Variants in FMN2 observed in about 807,000 individuals in gnomAD.
FMN2 encodes the protein formin-2.
Under a neutral mutation model 142.3 loss-of-function variants are expected in FMN2, and 51 were observed. That is an observed-to-expected ratio of 0.36 (90% confidence interval 0.29 to 0.45). The LOEUF (loss-of-function observed/expected upper bound fraction) is 0.45. FMN2 is among the 20% of genes least tolerant of loss of function. FMN2 has a pLI of 1.00. For missense variants in FMN2, 1,936 were observed against 2,122.8 expected (o/e 0.91, Z 1.73); for synonymous variants, 882 against 869.8 (o/e 1.01, Z -0.25).
intron 4 of FMN2, among the ~76,000 whole-genome samples, chr1:240,191,287 A>G (rs1426270207): frequency 6.6e-6 from 1 of 152,248 alleles, no homozygotes; most frequent in Non-Finnish European, 1.5e-5. Context: ...ATCCCTAGAA[A>G]AAACACATGA....
At chr1:240,193,120 A>G (rs1665774230) in intron 4 of FMN2, among the ~76,000 whole-genome samples, 1 of 152,174 alleles carries the variant, frequency 6.6e-6, no homozygotes, top group South Asian at 2.1e-4. Flanking sequence ...TAGATGGTGT[A>G]AAACTAGTTT....
chr1:240,241,252 T>C (rs1439998446), intron 6 of FMN2, among the ~76,000 whole-genome samples: 1 of 151,732 alleles, frequency 6.6e-6, no homozygotes, highest in Non-Finnish European at 1.5e-5. Flanking sequence ...GTATTTTTTT[T>C]TTTTTTGTCA....
At chr1:240,136,088 T>C (rs1662927304) in intron 2 of FMN2, among the ~76,000 whole-genome samples, 1 of 152,148 alleles carries the variant, frequency 6.6e-6, no homozygotes, top group Admixed American at 6.5e-5. Context: ...TTTATACATA[T>C]GTGTTTAAGC....
intron 2 of FMN2, chr1:240,143,507 C>G: frequency 1.3e-6 from 2 of 1,576,884 alleles, no homozygotes; most frequent in Non-Finnish European, 1.7e-6. Flanking sequence ...TTGTCTTCCT[C>G]CTTCTCTTTG....
intron 15 of FMN2, among the ~76,000 whole-genome samples, chr1:240,427,329 C>T (rs1178085162): frequency 6.6e-6 from 1 of 152,034 alleles, no homozygotes; most frequent in African/African-American, 2.4e-5. Flanking sequence ...CCTCAGCCTC[C>T]TGAGTAGCTT....
In FMN2 at chr1:240,114,742, C is replaced by T. The variant is rs1661956186; in HGVS notation, c.1616-8437C>T. Among the ~76,000 whole-genome samples, 2 of 151,164 alleles carry T rather than the reference C, an allele frequency of 1.3e-5. 1 individual carries two copies. The highest frequency in any genetic ancestry group is 4.2e-4 in the South Asian group (2 of 4,784). Reference sequence around the variant, plus strand: ...GCGAGATTTCAGCTCACTGCAACCTCCGCTTCCCAAGTTCAGGTGATTCTC... The same window carrying T: ...GCGAGATTTCAGCTCACTGCAACCTTCGCTTCCCAAGTTCAGGTGATTCTC... On this transcript the variant is annotated intron_variant, in intron 1 of 17. Transcript: ENST00000319653.
At chr1:240,251,323 C>T (rs773633397) in intron 6 of FMN2, among the ~76,000 whole-genome samples, 2 of 151,888 alleles carry the variant, frequency 1.3e-5, no homozygotes, top group Non-Finnish European at 2.9e-5. Context: ...TTAATTTCTT[C>T]CTGGTCTCAG....
chr1:240,240,969 A>C (rs1667876005), intron 6 of FMN2, among the ~76,000 whole-genome samples: 1 of 152,240 alleles, frequency 6.6e-6, no homozygotes, highest in Admixed American at 6.5e-5. Context: ...CAAGGAGTTT[A>C]AACATCTGTG....
chr1:240,342,778 C>G, intron 13 of FMN2, among the ~76,000 whole-genome samples: 1 of 152,060 alleles, frequency 6.6e-6, no homozygotes, highest in African/African-American at 2.4e-5. Context: ...ATTAAATTAA[C>G]AGAAAATAAA....
intron 14 of FMN2, among the ~76,000 whole-genome samples, chr1:240,376,275 A>G (rs1673039917): frequency 6.6e-6 from 1 of 152,140 alleles, no homozygotes; most frequent in Non-Finnish European, 1.5e-5. Context: ...TTATCCTGCC[A>G]AACAATCTCT....
chr1:240,449,132 GACCCTGTCTC>G (rs1675921343), intron 16 of FMN2, among the ~76,000 whole-genome samples: 1 of 146,104 alleles, frequency 6.8e-6, no homozygotes. Flanking sequence ...AAGAAAGTGA[GACCCTGTCTC>G]AAAAAAAAAA....
intron 6 of FMN2, among the ~76,000 whole-genome samples, chr1:240,236,091 C>T (rs541461987): frequency 9.9e-4 from 151 of 152,266 alleles, no homozygotes; most frequent in African/African-American, 3.4e-3. Context: ...GTGATTCATG[C>T]TTGAGCAAAT....
chr1:240,367,627 G>A (rs1383913637), intron 14 of FMN2, among the ~76,000 whole-genome samples: 3 of 151,786 alleles, frequency 2.0e-5, no homozygotes, highest in Non-Finnish European at 4.4e-5. Context: ...AATAAGCCGG[G>A]AGTGGTGGTG....
intron 7 of FMN2, among the ~76,000 whole-genome samples, chr1:240,278,692 G>A (rs548171982): frequency 5.6e-4 from 85 of 152,238 alleles, no homozygotes; most frequent in African/African-American, 1.8e-3. Flanking sequence ...CACTAGCAAC[G>A]ATTTCCCTTA....
At chr1:240,436,676 C>A (rs377140333) in intron 15 of FMN2, among the ~76,000 whole-genome samples, 583 of 135,582 alleles carry the variant, frequency 4.3e-3, no homozygotes, top group Middle Eastern at 0.012. Flanking sequence ...GACTCCGTCT[C>A]AAAAAAAAAA....
intron 15 of FMN2, among the ~76,000 whole-genome samples, chr1:240,429,475 G>A (rs1395945848): frequency 6.6e-6 from 1 of 151,990 alleles, no homozygotes; most frequent in African/African-American, 2.4e-5. Flanking sequence ...GTTAGTTGAG[G>A]CGTAATTTGT....
chr1:240,331,602 G>A (rs946947228), intron 11 of FMN2, among the ~76,000 whole-genome samples: 1 of 152,042 alleles, frequency 6.6e-6, no homozygotes, highest in East Asian at 1.9e-4. Context: ...TTCCTTCATG[G>A]GGGAGAGAGA....
intron 15 of FMN2, among the ~76,000 whole-genome samples, chr1:240,427,030 G>A (rs988596683): frequency 1.3e-5 from 2 of 151,680 alleles, no homozygotes; most frequent in South Asian, 2.1e-4. Context: ...GTGAGCTACC[G>A]TGCCAGGCCC....
At chr1:240,366,351 G>A (rs547234961) in intron 14 of FMN2, among the ~76,000 whole-genome samples, 41 of 152,076 alleles carry the variant, frequency 2.7e-4, no homozygotes, top group Non-Finnish European at 4.0e-4. Context: ...CATAACCAAC[G>A]TATTGTTTAC....
Sources: gnomAD v4.1 joint callset for allele counts (sites outside exome capture counted in the v4.1 genomes callset) on GRCh38, gnomAD v4.1.1 for gene constraint, MANE v1.5 for transcripts, NCBI Gene and HGNC (gene_info 2026-07-23, HGNC 2026-07-21) for gene names.